TRMT11: variants seen among roughly 807,000 people sequenced by gnomAD.
TRMT11 encodes tRNA (guanine(10)-N(2))-methyltransferase TRMT11.
TRMT11 carries 53 observed loss-of-function variants against 62.8 expected under a neutral mutation model. The observed-to-expected ratio is 0.84, with a 90% CI of 0.68 to 1.06. The LOEUF (loss-of-function observed/expected upper bound fraction) is 1.06. Ranked by LOEUF, TRMT11 falls within the 50% of genes least tolerant of loss-of-function variation. The pLI, the probability that TRMT11 is intolerant of heterozygous loss-of-function variation, is 0.00. For missense variants in TRMT11, 556 were observed against 553.4 expected (o/e 1.00, Z -0.05); for synonymous variants, 188 against 190.3 (o/e 0.99, Z 0.10).
At position 126,078,089 on chromosome 6, in the gene TRMT11, G is replaced by C. The variant is rs558581177; in HGVS notation, c.*1437+24899G>C. ...TGTGGCTTCATTGCATAAATTTTAT[G>C]CTCATTGGAGAGAATATTTACTCAC... On this transcript the variant is annotated intron_variant and NMD_transcript_variant, in intron 17 of 22. Transcript: ENST00000648977. Among the ~76,000 whole-genome samples the C allele has an allele frequency of 2.6e-5, 4 of 152,236 alleles. No homozygotes were observed. In the East Asian group the frequency reaches 7.7e-4, roughly 29 times the overall value.
chr6:126,093,596 TA>T (rs1777300399), intron 17 of TRMT11, among the ~76,000 whole-genome samples: 1 of 65,106 alleles, frequency 1.5e-5, no homozygotes, highest in East Asian at 3.1e-4. Context: ...TATATATATA[TA>T]TATATATATA....
chr6:126,151,867 C>CTTTGT (rs1562334850), intron 21 of TRMT11, among the ~76,000 whole-genome samples: 1 of 18,414 alleles, frequency 5.4e-5, no homozygotes, highest in African/African-American at 2.5e-4. Flanking sequence ...TCTTTCTTTC[C>CTTTGT]TTCTTTCTCC....
chr6:126,243,126 A>G, the TRMT11 span, among the ~76,000 whole-genome samples: 2 of 152,240 alleles, frequency 1.3e-5, no homozygotes, highest in African/African-American at 4.8e-5. Flanking sequence ...TAGGCGAAGG[A>G]TATGAACAGA....
intron 17 of TRMT11, among the ~76,000 whole-genome samples, chr6:126,090,877 C>T (rs945657801): frequency 6.6e-6 from 1 of 152,110 alleles, no homozygotes; most frequent in Non-Finnish European, 1.5e-5. Flanking sequence ...GATGTCCTCT[C>T]TCTTACCAAG....
chr6:126,227,640 C>T, the TRMT11 span, among the ~76,000 whole-genome samples: 1 of 152,334 alleles, frequency 6.6e-6, no homozygotes, highest in Admixed American at 6.5e-5. Context: ...GAAATTAACA[C>T]TCTAGATGTT....
intron 2 of TRMT11, among the ~76,000 whole-genome samples, chr6:125,994,205 A>G (rs1302665684): frequency 6.6e-6 from 1 of 152,156 alleles, no homozygotes; most frequent in Non-Finnish European, 1.5e-5. Context: ...TGAGCTTTGT[A>G]TTTTGCATAA....
intron 5 of TRMT11, 41 bp from the exon 6 acceptor site, chr6:125,998,509 A>G (rs1791968667): frequency 6.3e-7 from 1 of 1,580,062 alleles, no homozygotes; most frequent in African/African-American, 1.4e-5. Context: ...TTTTCATTGT[A>G]AATTATTATA....
At chr6:126,161,269 C>G (rs1778187286) in intron 21 of TRMT11, among the ~76,000 whole-genome samples, 1 of 151,802 alleles carries the variant, frequency 6.6e-6, no homozygotes, top group South Asian at 2.1e-4. Context: ...ATATGATGTT[C>G]CCCTCCCTGT....
At chr6:126,177,963 A>G (rs945496293) in intron 1 of TRMT11, among the ~76,000 whole-genome samples, 2 of 151,948 alleles carry the variant, frequency 1.3e-5, no homozygotes, top group East Asian at 3.9e-4. Context: ...CCCTGTGCCT[A>G]CTGCAAGCTC....
chr6:126,106,928 C>T (rs1777471011), intron 17 of TRMT11, among the ~76,000 whole-genome samples: 1 of 137,960 alleles, frequency 7.2e-6, no homozygotes, highest in African/African-American at 3.1e-5. Flanking sequence ...AGAGTGACCT[C>T]TCTCTCTCAA....
At chr6:126,101,875 A>G (rs1313175800) in intron 17 of TRMT11, among the ~76,000 whole-genome samples, 1 of 152,232 alleles carries the variant, frequency 6.6e-6, no homozygotes, top group Non-Finnish European at 1.5e-5. Context: ...TGCATCTCAA[A>G]TATACCAAGA....
chr6:126,103,279 T>A (rs996886479), intron 17 of TRMT11, among the ~76,000 whole-genome samples: 1 of 152,254 alleles, frequency 6.6e-6, no homozygotes, highest in African/African-American at 2.4e-5. Flanking sequence ...GTAAACTCCT[T>A]CTTGTTTCTG....
At chr6:126,233,960 A>G in the TRMT11 span, among the ~76,000 whole-genome samples, 1 of 152,152 alleles carries the variant, frequency 6.6e-6, no homozygotes, top group Non-Finnish European at 1.5e-5. Context: ...TTAAAAATAG[A>G]TATTATAATT....
chr6:126,247,177 C>A, the TRMT11 span, among the ~76,000 whole-genome samples: 1 of 152,204 alleles, frequency 6.6e-6, no homozygotes, highest in Non-Finnish European at 1.5e-5. Context: ...TCAAAGCTTA[C>A]AATCCATCTC....
At chr6:126,160,755 A>G (rs1228247370) in intron 21 of TRMT11, among the ~76,000 whole-genome samples, 4 of 152,158 alleles carry the variant, frequency 2.6e-5, no homozygotes, top group South Asian at 2.1e-4. Flanking sequence ...CTCTGACCTC[A>G]TATGCTTTTA....
the TRMT11 span, among the ~76,000 whole-genome samples, chr6:126,260,410 C>T: frequency 2.2e-4 from 33 of 152,200 alleles, no homozygotes; most frequent in Non-Finnish European, 3.8e-4. Context: ...CTGTTGTTGT[C>T]GTTGACCACT....
At chr6:126,124,007 C>T (rs1777680368) in intron 21 of TRMT11, among the ~76,000 whole-genome samples, 4 of 151,388 alleles carry the variant, frequency 2.6e-5, no homozygotes, top group Admixed American at 2.6e-4. Context: ...AATTTTTTTT[C>T]TGCTTCCTGC....
intron 17 of TRMT11, among the ~76,000 whole-genome samples, chr6:126,093,779 C>T (rs1777309664): frequency 6.6e-6 from 1 of 150,816 alleles, no homozygotes; most frequent in South Asian, 2.1e-4. Flanking sequence ...TAGCTTGAGG[C>T]TTATAGTACA....
rs751171767 is a variant in TRMT11 at position 125,995,952 on chromosome 6, T to C, written c.139-15T>C. ...AGCCACTTAGAATTAAGTTGCATAT[T>C]GTTATTTCTTTTAGTCACCATTTTG... is the stretch of plus-strand genomic sequence containing the variant. On this transcript the variant is annotated splice_polypyrimidine_tract_variant and intron_variant, in intron 2 of 12. Coordinates refer to ENST00000334379, the MANE Select transcript of TRMT11 (RefSeq NM_001031712.3). 4 of 1,549,136 alleles carry C rather than the reference T, an allele frequency of 2.6e-6. No homozygotes were observed. Among genetic ancestry groups the C allele is most frequent in the East Asian group, 2.2e-5 (1 of 44,548 alleles).
Sources: allele counts gnomAD v4.1 joint callset (sites outside exome capture counted in the v4.1 genomes callset), GRCh38; gene constraint gnomAD v4.1.1; transcripts MANE v1.5; gene names NCBI Gene and HGNC (gene_info 2026-07-23, HGNC 2026-07-21).